Variants in RBPMS observed in about 807,000 individuals in gnomAD.
The protein encoded by RBPMS is RNA binding protein, mRNA processing factor.
In RBPMS, 7 loss-of-function variants were observed where a neutral mutation model predicts 26.8. The ratio of observed to expected loss-of-function variants is 0.26; its 90% CI spans 0.15 to 0.49. The LOEUF is 0.49. RBPMS is among the 20% of genes least tolerant of loss of function. The probability of loss-of-function intolerance (pLI) is 0.98; values close to 1 mark genes in which losing one functional copy is unlikely to be tolerated. For missense variants in RBPMS, 186 were observed against 250.0 expected (o/e 0.74, Z 1.73); for synonymous variants, 96 against 93.3 (o/e 1.03, Z -0.17).
At position 30,556,671 on chromosome 8, in the gene RBPMS, C is replaced by A. The variant is rs1563448835; in HGVS notation, c.529-2216C>A. 5.1e-6 allele frequency: 5 copies of A among 985,948 alleles called. No individual in the cohort carries two copies. The South Asian group carries it at 1.4e-4, about 28-fold the overall frequency. 61.1% of individuals were successfully genotyped at this position (985,948 alleles called of 1,614,324 possible). Reference sequence around the variant, plus strand: ...CTGTGTGTTTAGGTGTCCAGCCCCCCACCTGCCATGGGGGCTCTGTGTCCC... The same window carrying A: ...CTGTGTGTTTAGGTGTCCAGCCCCCAACCTGCCATGGGGGCTCTGTGTCCC... On this transcript the variant is annotated intron_variant, in intron 6 of 8. Transcript: ENST00000397323.
chr8:30,559,390 A>G (rs1365783605), intron 7 of RBPMS, among the ~76,000 whole-genome samples: 2 of 152,232 alleles, frequency 1.3e-5, no homozygotes, highest in South Asian at 2.1e-4. Context: ...CATCATATCC[A>G]AAGTACTAAT....
intron 4 of RBPMS, among the ~76,000 whole-genome samples, chr8:30,481,714 T>A (rs1436525446): frequency 6.6e-6 from 1 of 152,228 alleles, no homozygotes; most frequent in Non-Finnish European, 1.5e-5. Context: ...ACCTATGGAA[T>A]AATGAGCCTG....
chr8:30,559,829 T>G (rs1827298794), intron 7 of RBPMS, among the ~76,000 whole-genome samples: 1 of 152,242 alleles, frequency 6.6e-6, no homozygotes, highest in Admixed American at 6.5e-5. Flanking sequence ...CCTGTGCACC[T>G]GATTTTACAA....
In RBPMS at chr8:30,521,842, G is replaced by A. The variant is rs571254331; in HGVS notation, c.397+17406G>A. On this transcript the variant is annotated intron_variant, in intron 5 of 8. Coordinates refer to ENST00000397323, the MANE Select transcript of RBPMS (RefSeq NM_001008710.3). The stretch of plus-strand genomic sequence containing the variant: ...ACATGGGAGTACAGATATTTGTTAA[G>A]AGGGTAAATCTTAGGTTGTGTTCTT... Among the ~76,000 whole-genome samples the A allele has an allele frequency of 2.0e-5, 3 of 152,224 alleles. No homozygotes were observed. The East Asian group carries it at 5.8e-4, about 29-fold the overall frequency.
At chr8:30,453,743 A>AGTGGC (rs1814883820) in intron 1 of RBPMS, 1 of 152,160 alleles carries the variant, frequency 6.6e-6, no homozygotes, top group African/African-American at 2.4e-5. Flanking sequence ...AAATCTTCCC[A>AGTGGC]ACGATCTTCA....
chr8:30,419,171 C>T (rs1349818300), intron 1 of RBPMS, among the ~76,000 whole-genome samples: 4 of 151,686 alleles, frequency 2.6e-5, no homozygotes, highest in Non-Finnish European at 5.9e-5. Context: ...TATGGCTGGG[C>T]GCAATGGCTC....
chr8:30,473,761 G>C (rs981090396), intron 1 of RBPMS, among the ~76,000 whole-genome samples: 3 of 152,132 alleles, frequency 2.0e-5, no homozygotes, highest in African/African-American at 4.8e-5. Context: ...ATACTATGCA[G>C]CCACAAAAAG....
chr8:30,550,837 G>C (rs1026932376), intron 6 of RBPMS, among the ~76,000 whole-genome samples: 2 of 152,240 alleles, frequency 1.3e-5, no homozygotes, highest in African/African-American at 4.8e-5. Flanking sequence ...GGGCTGGGCA[G>C]CTGAATCCCA....
intron 1 of RBPMS, among the ~76,000 whole-genome samples, chr8:30,395,522 T>TA (rs1360913431): frequency 1.0e-5 from 1 of 99,910 alleles, no homozygotes; most frequent in Non-Finnish European, 1.8e-5. Flanking sequence ...ATCAAACCTG[T>TA]AAAAACACTT....
chr8:30,565,892 G>C (rs1827853594), intron 7 of RBPMS: 1 of 152,288 alleles, frequency 6.6e-6, no homozygotes, highest in Admixed American at 6.5e-5. Flanking sequence ...CAGCCCTTGG[G>C]ATGCAACCAC....
At chr8:30,568,574 G>A (rs781053864) in intron 8 of RBPMS, among the ~76,000 whole-genome samples, 2 of 152,180 alleles carry the variant, frequency 1.3e-5, no homozygotes, top group Non-Finnish European at 2.9e-5. Context: ...CCTGAGATAA[G>A]GAGATTTGTT....
At chr8:30,520,627 C>T (rs1822930448) in intron 5 of RBPMS, among the ~76,000 whole-genome samples, 1 of 152,126 alleles carries the variant, frequency 6.6e-6, no homozygotes, top group South Asian at 2.1e-4. Context: ...TACGACCTAT[C>T]ACTGTTAGAG....
intron 4 of RBPMS, among the ~76,000 whole-genome samples, chr8:30,488,566 A>C (rs1360261452): frequency 6.6e-6 from 1 of 152,156 alleles, no homozygotes; most frequent in Non-Finnish European, 1.5e-5. Context: ...AATGGAGGAA[A>C]GGCTTTTAGG....
intron 5 of RBPMS, among the ~76,000 whole-genome samples, chr8:30,528,967 G>C (rs930194497): frequency 2.6e-5 from 4 of 151,936 alleles, no homozygotes; most frequent in African/African-American, 9.7e-5. Context: ...TGTAATCCCA[G>C]CGCTTTTGGG....
chr8:30,470,879 A>G (rs867475433), intron 1 of RBPMS, among the ~76,000 whole-genome samples: 3 of 152,190 alleles, frequency 2.0e-5, no homozygotes, highest in East Asian at 1.9e-4. Context: ...ACAATTTTCT[A>G]TTGAAACACT....
At chr8:30,541,105 T>G (rs1350824883) in intron 5 of RBPMS, among the ~76,000 whole-genome samples, 1 of 152,252 alleles carries the variant, frequency 6.6e-6, no homozygotes, top group Non-Finnish European at 1.5e-5. Context: ...TGGCCATACT[T>G]AAGTCCATTA....
intron 1 of RBPMS, among the ~76,000 whole-genome samples, chr8:30,420,991 A>G (rs1015374017): frequency 1.3e-5 from 2 of 152,220 alleles, no homozygotes; most frequent in African/African-American, 4.8e-5. Flanking sequence ...TAAAATACTT[A>G]CCTATTTGAA....
intron 5 of RBPMS, among the ~76,000 whole-genome samples, chr8:30,519,379 A>C (rs1257751373): frequency 1.3e-5 from 2 of 151,486 alleles, no homozygotes; most frequent in African/African-American, 4.9e-5. Flanking sequence ...TGGTCAGTCC[A>C]TATATTGCAT....
At chr8:30,491,373 A>C (rs1819369110) in intron 4 of RBPMS, among the ~76,000 whole-genome samples, 1 of 152,198 alleles carries the variant, frequency 6.6e-6, no homozygotes, top group Non-Finnish European at 1.5e-5. Flanking sequence ...AGGGGGAAGA[A>C]AACAAGAAAA....
Sources: gnomAD v4.1 joint callset for allele counts (sites outside exome capture counted in the v4.1 genomes callset) on GRCh38, gnomAD v4.1.1 for gene constraint, MANE v1.5 for transcripts, NCBI Gene and HGNC (gene_info 2026-07-23, HGNC 2026-07-21) for gene names.